The following SHOC1 variants were observed in gnomAD, a reference collection of about 807,000 sequenced individuals.
The protein encoded by SHOC1 is shortage in chiasmata 1.
In SHOC1, 136 loss-of-function variants were observed where a neutral mutation model predicts 179.2. That is an observed-to-expected ratio of 0.76 (90% CI 0.66 to 0.87). SHOC1 has a LOEUF of 0.87. SHOC1 is among the 40% of genes least tolerant of loss of function. SHOC1 has a pLI of 0.00. For missense variants in SHOC1, 1,538 were observed against 1,700.8 expected, an observed-to-expected ratio of 0.90 and a Z score of 1.68; for synonymous variants, 489 against 586.6, an observed-to-expected ratio of 0.83 and a Z score of 2.41.
At chr9:111,744,023 T>G (rs1210192012) in intron 10 of SHOC1, among the ~76,000 whole-genome samples, 3 of 152,194 alleles carry the variant, frequency 2.0e-5, no homozygotes, top group African/African-American at 7.2e-5. Context: ...TTAGTTAAGA[T>G]TTGTTTCATA....
intron 18 of SHOC1, among the ~76,000 whole-genome samples, chr9:111,710,483 C>T (rs1832492599): frequency 6.6e-6 from 1 of 152,164 alleles, no homozygotes; most frequent in Non-Finnish European, 1.5e-5. Context: ...TAGAGAGGCA[C>T]TAATTGGCAC....
At position 111,758,963 on chromosome 9, in the gene SHOC1, T is replaced by A. The variant is rs984114422; in HGVS notation, c.443-115A>T. 171 of 856,528 alleles carry A rather than the reference T, an allele frequency of 2.0e-4. 1 individual carries two copies. The East Asian group carries it at 4.5e-3, about 22-fold the overall frequency. The allele number at this position is 856,528 out of a possible 1,614,324, so 53.1% of individuals were successfully genotyped here. Reference sequence around the variant, plus strand: ...TACAGCTGGGTTTTTCAATCACATTTTAAACTCTGTAGCTCTTCATTGTAC... The same window carrying A: ...TACAGCTGGGTTTTTCAATCACATTATAAACTCTGTAGCTCTTCATTGTAC... On this transcript the variant is annotated intron_variant, in intron 5 of 27. Transcript: ENST00000682961.
Position 111,722,465 on chromosome 9 carries a change from T to C in SHOC1, c.2075A>G (p.Gln692Arg). The C allele has an allele frequency of 6.2e-7, 1 of 1,612,390 alleles. No individual in the cohort carries two copies. Among genetic ancestry groups the C allele is most frequent in the Non-Finnish European group, 8.5e-7 (1 of 1,179,676 alleles). Residue 692 changes from glutamine (Q) to arginine (R), a missense_variant, in exon 15 of 28, where the codon CAA becomes CGA. Transcript: ENST00000682961. ...TTGTTCCTTTAAGAGAAACCTTGTT[T>C]GGTCAAAAATAACAGTGGCAAATTT... is the stretch of plus-strand genomic sequence containing the variant. ...NWKFATVIFD[Q>R]TRFLLKEQEK...
At chr9:111,768,573 T>G (rs1402540299) in intron 5 of SHOC1, among the ~76,000 whole-genome samples, 2 of 152,212 alleles carry the variant, frequency 1.3e-5, no homozygotes, top group Admixed American at 1.3e-4. Flanking sequence ...CAACTCAGTT[T>G]TTTGGTGGAG....
rs73541280 is a variant in SHOC1 at position 111,711,356 on chromosome 9, G to A, written c.2488+1744C>T. Among the ~76,000 whole-genome samples, 1,004 of 152,202 alleles carry A rather than the reference G, an allele frequency of 6.6e-3. 12 individuals carry two copies. Among genetic ancestry groups the A allele is most frequent in the African/African-American group, 0.023 (969 of 41,522 alleles). Reference sequence around the variant, plus strand: ...TTCTTTCTGAATAATGCACACCTGCGCACTGGGAAGACGGGATGAGGCCTT... The same window carrying A: ...TTCTTTCTGAATAATGCACACCTGCACACTGGGAAGACGGGATGAGGCCTT... On this transcript the variant is annotated intron_variant, in intron 18 of 27. Coordinates refer to ENST00000682961, the MANE Select transcript of SHOC1 (RefSeq NM_001378211.1).
At position 111,791,388 on chromosome 9, in the gene SHOC1, C is replaced by T; in HGVS notation, c.31G>A (p.Asp11Asn). MFSALKYHAI[D>N]YLYENVVRKK... Reference sequence around the variant, plus strand: ...TAACACTCTACCTCATATAAATAGTCTATTGCATGATATTTCAATGCTGAA... The same window carrying T: ...TAACACTCTACCTCATATAAATAGTTTATTGCATGATATTTCAATGCTGAA... Residue 11 changes from aspartate (D) to asparagine (N), a missense_variant, in exon 2 of 28, where the codon GAC (aspartate) becomes AAC (asparagine). By Grantham distance (23) the Asp-to-Asn change is conservative. Coordinates refer to ENST00000682961, the MANE Select transcript of SHOC1 (RefSeq NM_001378211.1). 1 of 1,477,864 alleles carries T rather than the reference C, an allele frequency of 6.8e-7. No individual in the cohort carries two copies. Among genetic ancestry groups the T allele is most frequent in the Non-Finnish European group, 9.0e-7 (1 of 1,109,996 alleles). The allele number at this position is 1,477,864 out of a possible 1,614,324, so 91.5% of individuals were successfully genotyped here.
At chr9:111,715,234 G>T (rs898065667) in intron 16 of SHOC1, among the ~76,000 whole-genome samples, 1 of 152,130 alleles carries the variant, frequency 6.6e-6, no homozygotes, top group African/African-American at 2.4e-5. Flanking sequence ...TGATTCTGCT[G>T]AATTTCACCA....
intron 2 of SHOC1, among the ~76,000 whole-genome samples, chr9:111,790,706 C>T (rs941017994): frequency 2.6e-5 from 4 of 151,996 alleles, no homozygotes; most frequent in South Asian, 2.1e-4. Flanking sequence ...CCACCATGCC[C>T]GGCTAATTTT....
At chr9:111,753,136 TTG>T (rs1834675268) in intron 8 of SHOC1, among the ~76,000 whole-genome samples, 1 of 152,228 alleles carries the variant, frequency 6.6e-6, no homozygotes, top group South Asian at 2.1e-4. Flanking sequence ...CTATATATCT[TTG>T]TATTTTTGTC....
intron 4 of SHOC1, among the ~76,000 whole-genome samples, chr9:111,779,434 A>G (rs1302440111): frequency 6.6e-6 from 1 of 152,182 alleles, no homozygotes; most frequent in East Asian, 1.9e-4. Context: ...ACAATAATTT[A>G]GTTTTCACCA....
rs972092731 is a variant in SHOC1 at position 111,775,830 on chromosome 9, A to T, written c.403T>A (p.Cys135Ser). 1.6e-5 allele frequency: 25 copies of T among 1,610,396 alleles called. No individual in the cohort carries two copies. The highest frequency in any genetic ancestry group is 2.1e-5 in the Non-Finnish European group (25 of 1,179,120). ...TGAAGTGCTGAACATTTTTCTAAAC[A>T]ACTGACAGGGGTAAAGACTTCATTG... ...DYNEVFTPVS[C>S]LEKCSALQNQ... is the part of the protein sequence containing the mutation. The change falls in exon 5 of 28, where the codon TGT becomes AGT. Residue 135 changes from cysteine to serine, a missense_variant. Cys to Ser is a moderately radical substitution (Grantham distance 112). Coordinates refer to ENST00000682961, the MANE Select transcript of SHOC1 (RefSeq NM_001378211.1).
At chr9:111,793,055 T>G (rs1836501921) in intron 1 of SHOC1, among the ~76,000 whole-genome samples, 2 of 152,106 alleles carry the variant, frequency 1.3e-5, no homozygotes, top group Admixed American at 6.5e-5. Context: ...GCTAATTTTT[T>G]GTATATTTAG....
chr9:111,781,647 T>G (rs992935752), intron 3 of SHOC1, among the ~76,000 whole-genome samples: 2 of 151,700 alleles, frequency 1.3e-5, no homozygotes, highest in Admixed American at 6.6e-5. Context: ...ACCTCGAACC[T>G]GGGAAACAGA....
chr9:111,722,636 C>G, intron 14 of SHOC1, 51 bp from the exon 15 acceptor site: 2 of 1,450,330 alleles, frequency 1.4e-6, no homozygotes, highest in East Asian at 2.4e-5. Context: ...ATGGTATGCT[C>G]TTTTTGATGA....
chr9:111,688,752 G>A (rs1831292945), intron 27 of SHOC1, among the ~76,000 whole-genome samples: 1 of 152,092 alleles, frequency 6.6e-6, no homozygotes. Context: ...AATGGTATTA[G>A]TAGCTCATAT....
chr9:111,694,953 A>C (rs1831622642), intron 24 of SHOC1, among the ~76,000 whole-genome samples: 1 of 152,158 alleles, frequency 6.6e-6, no homozygotes, highest in South Asian at 2.1e-4. Context: ...GTTTGTGTAT[A>C]TTAAATTTAA....
chr9:111,688,347 C>T (rs1398098415), intron 27 of SHOC1, among the ~76,000 whole-genome samples: 2 of 152,098 alleles, frequency 1.3e-5, no homozygotes, highest in Non-Finnish European at 2.9e-5. Flanking sequence ...TATTTAATAA[C>T]TCCAATTTAT....
At chr9:111,753,680 C>T (rs939468771) in intron 8 of SHOC1, among the ~76,000 whole-genome samples, 2 of 152,016 alleles carry the variant, frequency 1.3e-5, no homozygotes, top group African/African-American at 4.8e-5. Context: ...AAATGTGATA[C>T]ACTACATTAA....
Position 111,691,562 on chromosome 9 carries a change from T to G in SHOC1, c.4415A>C (p.Glu1472Ala), listed in dbSNP as rs774727084. ...HESSFNSGDK[E>A]SLTGFMCSQL... ...TTGGATAGTGTTACCTGTTAATGAT[T>G]CCTTGTCTCCTGAGTTAAATGAAGA... Residue 1472 changes from glutamate to alanine, a missense_variant, in exon 27 of 28, where the codon GAA becomes GCA. Coordinates refer to ENST00000682961, the MANE Select transcript of SHOC1 (RefSeq NM_001378211.1). The G allele has an allele frequency of 1.9e-6, 3 of 1,611,432 alleles. No individual in the cohort carries two copies. The Admixed American group carries it at 5.0e-5, about 27-fold the overall frequency.
Sources: gnomAD v4.1 joint callset for allele counts (sites outside exome capture counted in the v4.1 genomes callset) on GRCh38, gnomAD v4.1.1 for gene constraint, MANE v1.5 for transcripts, NCBI Gene and HGNC (gene_info 2026-07-23, HGNC 2026-07-21) for gene names.